The following TAS2R1 variants were observed in gnomAD, a reference collection of about 807,000 sequenced individuals.
TAS2R1 encodes the protein taste receptor type 2 member 1.
For synonymous variants in TAS2R1, 141 were observed against 134.2 expected, an observed-to-expected ratio of 1.05 and a Z score of -0.35; for missense variants, 370 against 353.4, an observed-to-expected ratio of 1.05 and a Z score of -0.38.
At chr5:9,809,374 T>C in the TAS2R1 span, among the ~76,000 whole-genome samples, 1 of 152,152 alleles carries the variant, frequency 6.6e-6, no homozygotes, top group Non-Finnish European at 1.5e-5. Context: ...ACTTCCAATG[T>C]GATGGTATTA....
chr5:9,861,637 T>C, the TAS2R1 span, among the ~76,000 whole-genome samples: 56 of 152,242 alleles, frequency 3.7e-4, no homozygotes, highest in African/African-American at 1.3e-3. Flanking sequence ...GACACAGCAG[T>C]AGAGGGTGCT....
At chr5:9,722,233 A>G in the TAS2R1 span, among the ~76,000 whole-genome samples, 3 of 152,328 alleles carry the variant, frequency 2.0e-5, no homozygotes, top group African/African-American at 7.2e-5. Context: ...TGAGGCCACC[A>G]TGTCTCTGAC....
chr5:9,876,373 T>G, the TAS2R1 span, among the ~76,000 whole-genome samples: 1 of 152,194 alleles, frequency 6.6e-6, no homozygotes. Context: ...CTTGCTTCTT[T>G]ATAGTGTCAT....
chr5:9,830,439 AT>A, the TAS2R1 span, among the ~76,000 whole-genome samples: 4 of 152,330 alleles, frequency 2.6e-5, 1 homozygote, highest in African/African-American at 9.6e-5. Context: ...AGACAGATAG[AT>A]GATAGATGAC....
At chr5:9,890,306 G>A in the TAS2R1 span, among the ~76,000 whole-genome samples, 2,252 of 152,160 alleles carry the variant, frequency 0.015, 52 homozygotes, top group African/African-American at 0.051. Flanking sequence ...CAAATACTTC[G>A]TCAATATGTC....
At chr5:9,833,686 G>C in the TAS2R1 span, among the ~76,000 whole-genome samples, 9,120 of 152,228 alleles carry the variant, frequency 0.06, 647 homozygotes, top group East Asian at 0.23. Flanking sequence ...CACCCCATCA[G>C]ATTAGGCAAA....
At chr5:9,737,633 C>G in the TAS2R1 span, among the ~76,000 whole-genome samples, 1 of 152,140 alleles carries the variant, frequency 6.6e-6, no homozygotes, top group Non-Finnish European at 1.5e-5. Flanking sequence ...AGCTGCCTTT[C>G]CTTTTCCCTG....
intron 1 of TAS2R1, among the ~76,000 whole-genome samples, chr5:9,682,019 G>T (rs1344376839): frequency 1.3e-5 from 2 of 152,122 alleles, no homozygotes; most frequent in East Asian, 3.9e-4. Context: ...GAGGACAAGG[G>T]TTATGTCTCA....
At chr5:9,670,880 C>T (rs190034583) in intron 1 of TAS2R1, among the ~76,000 whole-genome samples, 16 of 152,136 alleles carry the variant, frequency 1.1e-4, no homozygotes, top group African/African-American at 3.4e-4. Context: ...AACATAGGTG[C>T]AAAACTCCTC....
chr5:9,901,972 T>C, the TAS2R1 span, among the ~76,000 whole-genome samples: 1 of 152,018 alleles, frequency 6.6e-6, no homozygotes. Flanking sequence ...GATCTCAGAG[T>C]AGTGGACTCG....
chr5:9,680,584 A>G (rs1479732443), intron 1 of TAS2R1, among the ~76,000 whole-genome samples: 1 of 152,210 alleles, frequency 6.6e-6, no homozygotes, highest in African/African-American at 2.4e-5. Flanking sequence ...CACTCTTCAA[A>G]TAATCCATAG....
intron 1 of TAS2R1, among the ~76,000 whole-genome samples, chr5:9,691,629 A>G (rs1741251497): frequency 6.6e-6 from 1 of 152,248 alleles, no homozygotes; most frequent in Admixed American, 6.5e-5. Context: ...ACTGGCATGA[A>G]GACTGAAGAA....
the TAS2R1 span, among the ~76,000 whole-genome samples, chr5:9,783,983 C>T: frequency 5.3e-5 from 8 of 152,150 alleles, no homozygotes; most frequent in African/African-American, 1.2e-4. Flanking sequence ...TGACCTTGGA[C>T]AAATGACTTA....
the TAS2R1 span, among the ~76,000 whole-genome samples, chr5:9,735,817 T>C: frequency 6.6e-6 from 1 of 152,240 alleles, no homozygotes. Context: ...AGTTACCTCA[T>C]ATAACAGCAA....
At chr5:9,715,195 G>T (rs963126611), upstream of TAS2R1, among the ~76,000 whole-genome samples, 13 of 152,342 alleles carry the variant, frequency 8.5e-5, no homozygotes, top group Admixed American at 5.9e-4. Flanking sequence ...CTAAACGTGT[G>T]TGTGTGTCTA....
the TAS2R1 span, among the ~76,000 whole-genome samples, chr5:9,749,891 G>A: frequency 1.3e-5 from 2 of 152,150 alleles, no homozygotes; most frequent in African/African-American, 4.8e-5. Flanking sequence ...TCTTTTCTCT[G>A]ACTCAACATG....
intron 1 of TAS2R1, among the ~76,000 whole-genome samples, chr5:9,680,387 C>T (rs1384055031): frequency 6.6e-6 from 1 of 151,984 alleles, no homozygotes; most frequent in East Asian, 1.9e-4. Context: ...GTGAGTTGTG[C>T]ATAGCAACTA....
the TAS2R1 span, among the ~76,000 whole-genome samples, chr5:9,877,015 A>G: frequency 6.6e-6 from 1 of 152,216 alleles, no homozygotes; most frequent in Non-Finnish European, 1.5e-5. Flanking sequence ...AGTTCTAGAA[A>G]AACACACTTA....
the TAS2R1 span, among the ~76,000 whole-genome samples, chr5:9,806,910 T>G: frequency 6.6e-6 from 1 of 152,196 alleles, no homozygotes; most frequent in South Asian, 2.1e-4. Flanking sequence ...GGGAATTAAT[T>G]AAACTAAAAA....
Sources: gnomAD v4.1 joint callset for allele counts (sites outside exome capture counted in the v4.1 genomes callset) on GRCh38, gnomAD v4.1.1 for gene constraint, MANE v1.5 for transcripts, NCBI Gene and HGNC (gene_info 2026-07-23, HGNC 2026-07-21) for gene names.